Variants in ATP11A observed in about 807,000 individuals in gnomAD.
ATP11A encodes the protein ATPase phospholipid transporting 11A.
A neutral mutation model predicts 154.4 loss-of-function variants in ATP11A; 81 were observed. That is an observed-to-expected ratio of 0.52 (90% CI 0.44 to 0.63). The LOEUF (loss-of-function observed/expected upper bound fraction) is 0.63. Among genes scored for constraint, ATP11A ranks in the 30% least tolerant of loss-of-function variants. The probability of loss-of-function intolerance (pLI) is 0.00; values close to 1 mark genes in which losing one functional copy is unlikely to be tolerated. For synonymous variants in ATP11A, 623 were observed against 585.9 expected (o/e 1.06, Z -0.91); for missense variants, 1,316 against 1,474.3 (o/e 0.89, Z 1.76).
At chr13:112,866,670 C>T (rs1291383847) in intron 25 of ATP11A, among the ~76,000 whole-genome samples, 3 of 44,478 alleles carry the variant, frequency 6.7e-5, no homozygotes, top group African/African-American at 1.3e-4. Context: ...AAATCGGCTT[C>T]GTTCCTTGTT....
At chr13:112,817,190 G>A (rs1229432719) in intron 6 of ATP11A, among the ~76,000 whole-genome samples, 1 of 152,202 alleles carries the variant, frequency 6.6e-6, no homozygotes, top group African/African-American at 2.4e-5. Context: ...GCATAGCTCA[G>A]TGGATTCAAC....
intron 18 of ATP11A, among the ~76,000 whole-genome samples, chr13:112,853,295 C>T (rs12430569): frequency 0.3 from 45,679 of 150,554 alleles, 7,096 homozygotes; most frequent in East Asian, 0.38. Flanking sequence ...CACACACACA[C>T]ATATATATAT....
At chr13:112,818,445 G>A (rs539647478) in intron 6 of ATP11A, among the ~76,000 whole-genome samples, 1 of 152,352 alleles carries the variant, frequency 6.6e-6, no homozygotes, top group African/African-American at 2.4e-5. Flanking sequence ...TCTCCCATTT[G>A]TTCTGACTCC....
In ATP11A at chr13:112,696,157, T is replaced by G. The variant is rs1885774099; in HGVS notation, c.39+5702T>G. 6.6e-6 allele frequency among the ~76,000 whole-genome samples: 1 copy of G among 152,224 alleles called. No individual in the cohort carries two copies. The highest frequency in any genetic ancestry group is 1.5e-5 in the Non-Finnish European group (1 of 68,040). On this transcript the variant is annotated intron_variant, in intron 1 of 29. Transcript: ENST00000375645. The surrounding 1 kb of genome is among the most constrained non-coding windows in gnomAD (Gnocchi z 6.2). ...TGATGGTGCCCACCTGGTGGGTCTG[T>G]GCAGTGACGGGACAGGTCACGGCGC...
chr13:112,837,516 C>A (rs920688739), intron 16 of ATP11A, among the ~76,000 whole-genome samples: 2 of 152,210 alleles, frequency 1.3e-5, no homozygotes, highest in African/African-American at 4.8e-5. Flanking sequence ...GCCGAGTGCT[C>A]CCAAATCCTG....
At chr13:112,701,299 C>T (rs1443188227) in intron 1 of ATP11A, among the ~76,000 whole-genome samples, 1 of 152,212 alleles carries the variant, frequency 6.6e-6, no homozygotes, top group African/African-American at 2.4e-5. Context: ...GGCTCAGGCA[C>T]AGCTACTAAC....
At position 112,693,759 on chromosome 13, in the gene ATP11A, C is replaced by G. The variant is rs546507236; in HGVS notation, c.39+3304C>G. 3.0e-3 allele frequency among the ~76,000 whole-genome samples: 454 copies of G among 152,216 alleles called. 1 individual carries two copies. Among genetic ancestry groups the G allele is most frequent in the Non-Finnish European group, 5.2e-3 (354 of 67,998 alleles). On this transcript the variant is annotated intron_variant, in intron 1 of 29. Coordinates refer to ENST00000375645, the MANE Select transcript of ATP11A (RefSeq NM_015205.3). ...CTGACATCAGGAGTTCAAGACCAAC[C>G]TGGCCAACATGGTGAAACCCTGTCT... is the stretch of plus-strand genomic sequence containing the variant.
At chr13:112,718,919 A>G (rs1282191823) in intron 1 of ATP11A, among the ~76,000 whole-genome samples, 2 of 152,128 alleles carry the variant, frequency 1.3e-5, no homozygotes, top group African/African-American at 4.8e-5. Context: ...ACCTCCGGCT[A>G]TCCACCCGCC....
At chr13:112,777,002 G>A (rs141637131) in intron 1 of ATP11A, among the ~76,000 whole-genome samples, 5 of 152,306 alleles carry the variant, frequency 3.3e-5, no homozygotes, top group Admixed American at 6.5e-5. Flanking sequence ...CTTCTGAAAC[G>A]CAGCGTCTTG....
chr13:112,776,877 T>C (rs962393683), intron 1 of ATP11A, among the ~76,000 whole-genome samples: 68 of 152,210 alleles, frequency 4.5e-4, no homozygotes, highest in African/African-American at 1.4e-3. Flanking sequence ...GATTACAGGC[T>C]TGAGCCCCCG....
intron 25 of ATP11A, among the ~76,000 whole-genome samples, chr13:112,867,581 C>T (rs1406140268): frequency 6.6e-6 from 1 of 152,220 alleles, no homozygotes; most frequent in East Asian, 1.9e-4. Context: ...GGACCCCTGG[C>T]GTGTCCGCAG....
chr13:112,730,672 C>T lies in ATP11A; in HGVS notation c.39+40217C>T, dbSNP rs144603020. 1.2e-3 allele frequency among the ~76,000 whole-genome samples: 190 copies of T among 152,280 alleles called. No homozygotes were observed. In the East Asian group the frequency reaches 0.013, roughly 11 times the overall value. On this transcript the variant is annotated intron_variant, in intron 1 of 29. Coordinates refer to ENST00000375645, the MANE Select transcript of ATP11A (RefSeq NM_015205.3). ...CGCCCTTCTGGACACACTGCTGGGT[C>T]CATCACATGAGCCTACCATGGCAGA... is the stretch of plus-strand genomic sequence containing the variant.
intron 1 of ATP11A, among the ~76,000 whole-genome samples, chr13:112,729,625 G>A (rs1410994316): frequency 2.6e-5 from 4 of 152,172 alleles, no homozygotes; most frequent in Non-Finnish European, 2.9e-5. Context: ...TCGGCATTGC[G>A]GACCTGGAGC....
intron 6 of ATP11A, 133 bp from the exon 7 acceptor site, chr13:112,819,171 C>G (rs1309049599): frequency 5.4e-6 from 4 of 742,040 alleles, no homozygotes; most frequent in Non-Finnish European, 9.2e-6. Flanking sequence ...AGTACCTTAT[C>G]TTTCTGTAAC....
At chr13:112,691,391 G>T (rs1343962074) in intron 1 of ATP11A, among the ~76,000 whole-genome samples, 1 of 151,458 alleles carries the variant, frequency 6.6e-6, no homozygotes, top group African/African-American at 2.4e-5. Context: ...TTGAACCCGG[G>T]AGGCGGTGGT....
rs74115488 is a variant in ATP11A, at chr13:112,806,878, C to T, written c.333+585C>T. ...TCGCCTATTCTAAACATTTCGTACT[C>T]ACGGCTCATAGGCGGTGTTTTGTGA... On this transcript the variant is annotated intron_variant, in intron 4 of 29. Transcript: ENST00000375645. Among the ~76,000 whole-genome samples, 355 of 152,290 alleles carry T rather than the reference C, an allele frequency of 2.3e-3. 2 individuals are homozygous for T. Among genetic ancestry groups the T allele is most frequent in the African/African-American group, 8.2e-3 (340 of 41,562 alleles).
intron 1 of ATP11A, among the ~76,000 whole-genome samples, chr13:112,776,177 G>A (rs1377851236): frequency 2.0e-5 from 3 of 152,174 alleles, no homozygotes; most frequent in East Asian, 1.9e-4. Flanking sequence ...AAGTGAGCCC[G>A]TCTGCATGAA....
chr13:112,873,687 G>A lies in ATP11A; in HGVS notation c.3161+11G>A. On this transcript the variant is annotated intron_variant, in intron 27 of 29. Coordinates refer to ENST00000375645, the MANE Select transcript of ATP11A (RefSeq NM_015205.3). ...GGGAGGAGTGATCTGGTAAATATCT[G>A]ATAAGTAGCTGATAATCTGATAAAT... The A allele has an allele frequency of 1.3e-6, 2 of 1,593,954 alleles. No homozygotes were observed. Among genetic ancestry groups the A allele is most frequent in the Non-Finnish European group, 1.7e-6 (2 of 1,162,018 alleles).
chr13:112,728,419 G>A (rs1052342304), intron 1 of ATP11A, among the ~76,000 whole-genome samples: 2 of 149,470 alleles, frequency 1.3e-5, no homozygotes, highest in Admixed American at 1.3e-4. Flanking sequence ...TGTGTTACCT[G>A]TATGTACCAC....
Sources: gnomAD v4.1 joint callset for allele counts (sites outside exome capture counted in the v4.1 genomes callset) on GRCh38, gnomAD v4.1.1 for gene constraint, Gnocchi (gnomAD v3.1) non-coding constraint, MANE v1.5 for transcripts, NCBI Gene and HGNC (gene_info 2026-07-23, HGNC 2026-07-21) for gene names.